ZFHX3: variants seen among roughly 807,000 people sequenced by gnomAD.
The protein encoded by ZFHX3 is zinc finger homeobox 3, also known as zinc finger homeobox protein 3.
ZFHX3 carries 42 observed loss-of-function variants against 279.1 expected under a neutral mutation model. The observed-to-expected ratio is 0.15, with a 90% CI of 0.12 to 0.19. ZFHX3 has a LOEUF of 0.19. Ranked by LOEUF, ZFHX3 falls within the 10% of genes least tolerant of loss-of-function variation. The pLI is 1.00. For missense variants in ZFHX3, 4,981 were observed against 4,754.0 expected (o/e 1.05, Z -1.40); for synonymous variants, 2,293 against 1,957.8 (o/e 1.17, Z -4.52).
chr16:73,726,975 T>TG (rs2053524376), intron 1 of ZFHX3, among the ~76,000 whole-genome samples: 1 of 152,140 alleles, frequency 6.6e-6, no homozygotes, highest in Admixed American at 6.5e-5. Flanking sequence ...CAACATTCCC[T>TG]GGGGAGAGGG....
chr16:73,229,506 T>G (rs115957144), intron 5 of ZFHX3, among the ~76,000 whole-genome samples: 2,423 of 152,310 alleles, frequency 0.016, 71 homozygotes, highest in African/African-American at 0.053. Context: ...AGGGTTAATA[T>G]GTTTTATGAT....
At chr16:73,466,629 G>A (rs1301138707) in intron 2 of ZFHX3, among the ~76,000 whole-genome samples, 2 of 152,198 alleles carry the variant, frequency 1.3e-5, no homozygotes, top group African/African-American at 4.8e-5. Context: ...AAGGGTGGGT[G>A]CGGGGATAAA....
At chr16:73,795,655 T>G (rs1442452395) in intron 1 of ZFHX3, among the ~76,000 whole-genome samples, 1 of 152,214 alleles carries the variant, frequency 6.6e-6, no homozygotes, top group East Asian at 1.9e-4. Context: ...GAACAACGAC[T>G]GTGGCCACTG....
rs147921298 is a variant in ZFHX3 at position 72,987,667 on chromosome 16, T to A, written c.-49-27473A>T. On this transcript the variant is annotated intron_variant, in intron 1 of 9. Coordinates refer to ENST00000268489, the MANE Select transcript of ZFHX3 (RefSeq NM_006885.4). ...ACAGAAATCAGAACACTGGAGCCAG[T>A]TTTATGTAGAGTATCATTCGTTTGC... Among the ~76,000 whole-genome samples the A allele has an allele frequency of 4.6e-5, 7 of 152,226 alleles. No individual in the cohort carries two copies. The East Asian group carries it at 9.7e-4, about 21-fold the overall frequency.
At chr16:73,464,519 A>G (rs2018528152) in intron 2 of ZFHX3, among the ~76,000 whole-genome samples, 1 of 149,366 alleles carries the variant, frequency 6.7e-6, no homozygotes, top group South Asian at 2.2e-4. Context: ...CCCTGGGCAG[A>G]CAGTGAGAAT....
At chr16:73,696,481 T>C (rs1395511424) in intron 1 of ZFHX3, among the ~76,000 whole-genome samples, 3 of 152,208 alleles carry the variant, frequency 2.0e-5, no homozygotes, top group Non-Finnish European at 4.4e-5. Flanking sequence ...GGTTGGGTCA[T>C]GATTCTGAAC....
At chr16:73,865,940 G>T (rs556284009) in intron 1 of ZFHX3, among the ~76,000 whole-genome samples, 4 of 152,034 alleles carry the variant, frequency 2.6e-5, no homozygotes, top group Middle Eastern at 3.4e-3. Flanking sequence ...ACCCAAGATC[G>T]CACCACTGCA....
chr16:73,217,271 T>A (rs1424106939), intron 5 of ZFHX3, among the ~76,000 whole-genome samples: 1 of 152,148 alleles, frequency 6.6e-6, no homozygotes, highest in Non-Finnish European at 1.5e-5. Flanking sequence ...ACCAACTCAT[T>A]ACCAGCTGCT....
intron 5 of ZFHX3, among the ~76,000 whole-genome samples, chr16:73,226,344 A>T (rs539717913): frequency 6.6e-6 from 1 of 152,372 alleles, no homozygotes; most frequent in East Asian, 1.9e-4. Context: ...GCTTCGTCCT[A>T]CATCTAAGAA....
intron 7 of ZFHX3, among the ~76,000 whole-genome samples, chr16:73,107,431 T>G (rs1198948718): frequency 6.6e-6 from 1 of 152,156 alleles, no homozygotes; most frequent in Admixed American, 6.5e-5. Context: ...CAAAAGGAGA[T>G]CCATGTTAGA....
intron 1 of ZFHX3, among the ~76,000 whole-genome samples, chr16:73,868,803 T>C (rs1962096241): frequency 6.6e-6 from 1 of 152,148 alleles, no homozygotes; most frequent in Admixed American, 6.6e-5. Context: ...TGAGCAGCTT[T>C]TCCTTCTTGT....
intron 1 of ZFHX3, among the ~76,000 whole-genome samples, chr16:72,988,337 C>G (rs951583048): frequency 6.6e-6 from 1 of 152,228 alleles, no homozygotes; most frequent in Admixed American, 6.5e-5. Flanking sequence ...CCCGCTCCCA[C>G]CTTTCCTGCA....
chr16:73,034,370 C>T (rs995612099), intron 1 of ZFHX3, among the ~76,000 whole-genome samples: 2 of 152,294 alleles, frequency 1.3e-5, no homozygotes, highest in East Asian at 1.9e-4. Flanking sequence ...ACAGTGGCAG[C>T]TCCTACAACT....
At chr16:72,897,109 G>A (rs1413588050) in intron 3 of ZFHX3, among the ~76,000 whole-genome samples, 2 of 152,168 alleles carry the variant, frequency 1.3e-5, no homozygotes, top group Non-Finnish European at 2.9e-5. Context: ...TGAGACACCT[G>A]TCAGGCCAAA....
At chr16:73,493,784 A>G (rs1246584768) in intron 2 of ZFHX3, among the ~76,000 whole-genome samples, 1 of 152,128 alleles carries the variant, frequency 6.6e-6, no homozygotes, top group Admixed American at 6.5e-5. Flanking sequence ...GGGTGGGCAC[A>G]TGCACACACG....
chr16:73,043,864 T>C (rs973888229), intron 1 of ZFHX3, among the ~76,000 whole-genome samples: 6 of 152,240 alleles, frequency 3.9e-5, no homozygotes, highest in Admixed American at 6.5e-5. Flanking sequence ...CTTTAAATCA[T>C]AGAGAAAAGC....
intron 1 of ZFHX3, among the ~76,000 whole-genome samples, chr16:73,746,921 T>G (rs75401556): frequency 0.02 from 3,074 of 152,350 alleles, 49 homozygotes; most frequent in Non-Finnish European, 0.026. Context: ...TGTTTTAGAT[T>G]ATCAACATTC....
chr16:73,760,698 A>G (rs2053854876), intron 1 of ZFHX3, among the ~76,000 whole-genome samples: 1 of 152,216 alleles, frequency 6.6e-6, no homozygotes, highest in African/African-American at 2.4e-5. Context: ...GTAATTCATT[A>G]CATAAACAGA....
intron 6 of ZFHX3, chr16:73,137,370 A>C (rs1966812803): frequency 1.3e-5 from 2 of 152,120 alleles, no homozygotes; most frequent in African/African-American, 4.8e-5. Flanking sequence ...GGATGTTGAG[A>C]TACACACTTC....
Sources: gnomAD v4.1 joint callset for allele counts (sites outside exome capture counted in the v4.1 genomes callset) on GRCh38, gnomAD v4.1.1 for gene constraint, MANE v1.5 for transcripts, NCBI Gene and HGNC (gene_info 2026-07-23, HGNC 2026-07-21) for gene names.